Variants in EXOC2 observed in about 807,000 individuals in gnomAD.
EXOC2 encodes the protein exocyst complex component 2.
Under a neutral mutation model 131.8 loss-of-function variants are expected in EXOC2, and 70 were observed. The ratio of observed to expected loss-of-function variants is 0.53; its 90% CI spans 0.44 to 0.65. EXOC2 has a LOEUF of 0.65. Ranked by LOEUF, EXOC2 falls within the 30% of genes least tolerant of loss-of-function variation. EXOC2 has a pLI of 0.00. For missense variants in EXOC2, 923 were observed against 1,108.6 expected (o/e 0.83, Z 2.38); for synonymous variants, 411 against 398.4 (o/e 1.03, Z -0.38).
intron 1 of EXOC2, among the ~76,000 whole-genome samples, chr6:648,172 T>C (rs1021906362): frequency 6.6e-6 from 1 of 152,158 alleles, no homozygotes; most frequent in African/African-American, 2.4e-5. Flanking sequence ...TAATATACAC[T>C]CAGTAATTTG....
intron 1 of EXOC2, among the ~76,000 whole-genome samples, chr6:690,124 G>A (rs1764847874): frequency 6.6e-6 from 1 of 152,160 alleles, no homozygotes; most frequent in African/African-American, 2.4e-5. Flanking sequence ...GGAAGCTGAG[G>A]CCAGCGCATC....
At chr6:625,161 G>T (rs1352928188) in intron 4 of EXOC2, among the ~76,000 whole-genome samples, 3 of 152,190 alleles carry the variant, frequency 2.0e-5, no homozygotes, top group African/African-American at 7.2e-5. Context: ...CAGGCCTGTG[G>T]ACTGAGCGAA....
At chr6:541,364 T>G (rs1766809581) in intron 22 of EXOC2, among the ~76,000 whole-genome samples, 1 of 152,190 alleles carries the variant, frequency 6.6e-6, no homozygotes, top group African/African-American at 2.4e-5. Context: ...ATGTTCATAT[T>G]AAAAGACAGA....
At chr6:534,427 G>GAGAGAC (rs1221565951) in intron 22 of EXOC2, among the ~76,000 whole-genome samples, 2 of 142,494 alleles carry the variant, frequency 1.4e-5, no homozygotes, top group African/African-American at 5.8e-5. Flanking sequence ...CTAAATGAGA[G>GAGAGAC]AGAGACAGAG....
At chr6:518,520 T>A (rs978260163) in intron 23 of EXOC2, among the ~76,000 whole-genome samples, 1 of 152,190 alleles carries the variant, frequency 6.6e-6, no homozygotes, top group Non-Finnish European at 1.5e-5. Context: ...AGACATGCAA[T>A]GAAGAAAATA....
chr6:667,502 C>T lies in EXOC2; in HGVS notation c.-44+25517G>A, dbSNP rs1297519325. ...CAAGTAAGAAAGCTCTGTTGTCACC[C>T]ATTGTGAGCAGGCACCACAAAGCCG... On this transcript the variant is annotated intron_variant, in intron 1 of 27. Transcript: ENST00000230449. Among the ~76,000 whole-genome samples the T allele has an allele frequency of 2.1e-5, 2 of 96,950 alleles. 1 individual carries two copies. The highest frequency in any genetic ancestry group is 4.9e-5 in the Non-Finnish European group (2 of 41,028). 63.6% of individuals were successfully genotyped at this position (96,950 alleles called of 152,430 possible). A position where few individuals can be genotyped will look rare whatever the true frequency, so the allele number is the denominator to read the frequency against.
intron 16 of EXOC2, 139 bp from the exon 17 acceptor site, chr6:562,984 T>C (rs1047400615): frequency 1.9e-6 from 1 of 520,798 alleles, no homozygotes; most frequent in Non-Finnish European, 3.2e-6. Context: ...GCAAAGAATA[T>C]AATTTTGGTA....
intron 17 of EXOC2, 71 bp from the exon 18 acceptor site, chr6:556,635 G>T: frequency 6.6e-7 from 1 of 1,514,472 alleles, no homozygotes; most frequent in Non-Finnish European, 9.1e-7. Context: ...TAACACAAGC[G>T]AATATGGCCC....
intron 23 of EXOC2, among the ~76,000 whole-genome samples, chr6:505,424 A>C (rs1450019191): frequency 6.6e-6 from 1 of 152,252 alleles, no homozygotes; most frequent in East Asian, 1.9e-4. Context: ...TCAGACACTC[A>C]TTACTGAGTA....
intron 10 of EXOC2, among the ~76,000 whole-genome samples, chr6:593,401 A>T (rs538812465): frequency 7.2e-5 from 11 of 152,356 alleles, no homozygotes; most frequent in African/African-American, 2.2e-4. Flanking sequence ...TTTGGTGACA[A>T]CACTCACCTC....
chr6:553,806 GTTACACAGT>G, intron 21 of EXOC2, 39 bp downstream of exon 21: 1 of 1,515,752 alleles, frequency 6.6e-7, no homozygotes, highest in Non-Finnish European at 9.2e-7. Flanking sequence ...CGAAATTGTT[GTTACACAGT>G]TTTAAAATGG....
intron 24 of EXOC2, among the ~76,000 whole-genome samples, chr6:498,242 T>G (rs1461231733): frequency 6.6e-6 from 1 of 152,228 alleles, no homozygotes; most frequent in African/African-American, 2.4e-5. Context: ...GTAAATACTA[T>G]GAATGAAATT....
At chr6:580,654 T>A (rs1233382956) in intron 11 of EXOC2, among the ~76,000 whole-genome samples, 3 of 152,168 alleles carry the variant, frequency 2.0e-5, no homozygotes, top group Admixed American at 1.3e-4. Flanking sequence ...AGAATTTCCA[T>A]GGCCATGCAG....
intron 1 of EXOC2, among the ~76,000 whole-genome samples, chr6:676,082 C>T (rs1338484945): frequency 3.7e-5 from 3 of 81,480 alleles, no homozygotes; most frequent in African/African-American, 8.1e-5. Context: ...CTGGCGACTG[C>T]GGTTCCCCAT....
intron 1 of EXOC2, among the ~76,000 whole-genome samples, chr6:674,565 GT>G (rs980622767): frequency 1.3e-5 from 2 of 152,098 alleles, no homozygotes; most frequent in Non-Finnish European, 2.9e-5. Context: ...GTAAGCTATT[GT>G]AAAGGCTTTT....
chr6:520,758 G>A (rs1203089501), intron 23 of EXOC2, among the ~76,000 whole-genome samples: 1 of 137,778 alleles, frequency 7.3e-6, no homozygotes, highest in Non-Finnish European at 1.5e-5. Flanking sequence ...GTCCACACTC[G>A]GACATGAAAA....
At chr6:636,282 GA>G (rs1279960153) in intron 2 of EXOC2, among the ~76,000 whole-genome samples, 2 of 152,168 alleles carry the variant, frequency 1.3e-5, no homozygotes, top group Non-Finnish European at 2.9e-5. Context: ...GAAACATCTG[GA>G]ATGAGCTTTA....
intron 18 of EXOC2, 115 bp downstream of exon 18, chr6:556,369 A>G (rs1757420316): frequency 9.3e-7 from 1 of 1,077,894 alleles, no homozygotes; most frequent in Admixed American, 2.1e-5. Flanking sequence ...AACTAAATGG[A>G]ACAAGCAGGC....
At chr6:630,833 T>C (rs932166502) in intron 3 of EXOC2, among the ~76,000 whole-genome samples, 6 of 152,190 alleles carry the variant, frequency 3.9e-5, no homozygotes, top group Non-Finnish European at 8.8e-5. Flanking sequence ...AACGATTAAA[T>C]CAAACACCTT....
Sources: allele counts gnomAD v4.1 joint callset (sites outside exome capture counted in the v4.1 genomes callset), GRCh38; gene constraint gnomAD v4.1.1; transcripts MANE v1.5; gene names NCBI Gene and HGNC (gene_info 2026-07-23, HGNC 2026-07-21).